Variants in FRMD4A observed in about 807,000 individuals in gnomAD.
FRMD4A encodes FERM domain containing 4A.
In FRMD4A, 29 loss-of-function variants were observed where a neutral mutation model predicts 129.1. That is an observed-to-expected ratio of 0.22 (90% CI 0.17 to 0.31). The LOEUF is 0.31. Among genes scored for constraint, FRMD4A ranks in the 10% least tolerant of loss-of-function variants. FRMD4A has a pLI of 1.00. For synonymous variants in FRMD4A, 634 were observed against 571.6 expected (o/e 1.11, Z -1.56); for missense variants, 1,272 against 1,375.8 (o/e 0.92, Z 1.19).
chr10:13,713,713 G>T (rs894110923), intron 12 of FRMD4A, among the ~76,000 whole-genome samples: 1 of 149,780 alleles, frequency 6.7e-6, no homozygotes, highest in Non-Finnish European at 1.5e-5. Flanking sequence ...CCCTGGTAAG[G>T]TTTTGCTATT....
At chr10:13,951,911 T>TAATAAA (rs1489715804) in intron 2 of FRMD4A, among the ~76,000 whole-genome samples, 1 of 146,274 alleles carries the variant, frequency 6.8e-6, no homozygotes, top group African/African-American at 2.5e-5. Flanking sequence ...ATAATAATAA[T>TAATAAA]AATAATAATA....
intron 2 of FRMD4A, among the ~76,000 whole-genome samples, chr10:13,989,123 C>T (rs902489071): frequency 1.3e-5 from 2 of 152,070 alleles, no homozygotes; most frequent in African/African-American, 2.4e-5. Context: ...TCTGGTTGAC[C>T]AGGGGTGAGG....
At chr10:14,142,113 A>T (rs1039952081) in intron 2 of FRMD4A, among the ~76,000 whole-genome samples, 5 of 151,224 alleles carry the variant, frequency 3.3e-5, no homozygotes, top group African/African-American at 1.2e-4. Flanking sequence ...ATAGAAAAAC[A>T]TTTTTATTTT....
chr10:14,250,475 A>G (rs1280239417), intron 2 of FRMD4A, among the ~76,000 whole-genome samples: 1 of 152,226 alleles, frequency 6.6e-6, no homozygotes, highest in Admixed American at 6.5e-5. Context: ...AGGGGAAAAG[A>G]TTAAGGCTGT....
At position 14,025,452 on chromosome 10, in the gene FRMD4A, G is replaced by A. The variant is rs569078887; in HGVS notation, c.46-166540C>T. ...ACATTGTACTGGAATAAACAAGATAGACTTGTTTATTTCATCAATGCTCTT... is the reference window on the plus strand; with the variant it reads ...ACATTGTACTGGAATAAACAAGATAAACTTGTTTATTTCATCAATGCTCTT... On this transcript the variant is annotated intron_variant, in intron 2 of 24. Transcript: ENST00000357447. 6.6e-5 allele frequency among the ~76,000 whole-genome samples: 10 copies of A among 152,260 alleles called. No individual in the cohort carries two copies. In the South Asian group the frequency reaches 1.5e-3, roughly 22 times the overall value.
At chr10:14,230,634 C>T (rs1282280623) in intron 2 of FRMD4A, among the ~76,000 whole-genome samples, 1 of 151,798 alleles carries the variant, frequency 6.6e-6, no homozygotes, top group African/African-American at 2.4e-5. Flanking sequence ...TTTTTCTTTC[C>T]AACTTTTACT....
At chr10:13,827,605 C>A (rs1177440801) in intron 3 of FRMD4A, among the ~76,000 whole-genome samples, 3 of 152,186 alleles carry the variant, frequency 2.0e-5, no homozygotes, top group Non-Finnish European at 4.4e-5. Context: ...GCGAAACAGC[C>A]TCCTGCAGAC....
At chr10:14,041,709 G>A (rs1221904628) in intron 2 of FRMD4A, among the ~76,000 whole-genome samples, 1 of 152,158 alleles carries the variant, frequency 6.6e-6, no homozygotes, top group African/African-American at 2.4e-5. Context: ...AGGTAGAATC[G>A]TATAATGGGA....
intron 3 of FRMD4A, among the ~76,000 whole-genome samples, chr10:13,823,227 G>T (rs974370093): frequency 6.6e-6 from 1 of 152,148 alleles, no homozygotes; most frequent in Non-Finnish European, 1.5e-5. Flanking sequence ...CGGCTGGGGA[G>T]CCTGCTCTAT....
At chr10:13,814,148 G>A (rs1027986904) in intron 3 of FRMD4A, among the ~76,000 whole-genome samples, 4 of 152,170 alleles carry the variant, frequency 2.6e-5, no homozygotes, top group Non-Finnish European at 5.9e-5. Flanking sequence ...AGAGATAGAG[G>A]AGGAGGAATG....
chr10:14,096,923 T>C (rs949524945), intron 2 of FRMD4A: 17 of 151,962 alleles, frequency 1.1e-4, no homozygotes, highest in African/African-American at 4.1e-4. Context: ...TCACCTGAGG[T>C]CAGGAGTTCA....
At chr10:13,828,356 C>T (rs1232215922) in intron 3 of FRMD4A, among the ~76,000 whole-genome samples, 1 of 152,196 alleles carries the variant, frequency 6.6e-6, no homozygotes, top group East Asian at 1.9e-4. Context: ...TTCCACACTC[C>T]ACGTCCACGT....
chr10:13,974,771 C>G (rs1182973033), intron 2 of FRMD4A, among the ~76,000 whole-genome samples: 3 of 152,106 alleles, frequency 2.0e-5, no homozygotes, highest in African/African-American at 7.2e-5. Context: ...AGGTGATCCA[C>G]CCGCCTCGCT....
intron 8 of FRMD4A, chr10:13,756,309 G>T (rs768032917): frequency 6.6e-6 from 1 of 152,156 alleles, no homozygotes; most frequent in Non-Finnish European, 1.5e-5. Context: ...ATTGTTTAGC[G>T]CAAAGCATTT....
intron 2 of FRMD4A, among the ~76,000 whole-genome samples, chr10:14,102,411 C>A (rs938139697): frequency 6.6e-6 from 1 of 152,190 alleles, no homozygotes; most frequent in Non-Finnish European, 1.5e-5. Flanking sequence ...CCTATAGTCC[C>A]AGCTACTCAG....
At chr10:13,944,738 G>A (rs530686564) in intron 2 of FRMD4A, among the ~76,000 whole-genome samples, 1 of 152,152 alleles carries the variant, frequency 6.6e-6, no homozygotes, top group Non-Finnish European at 1.5e-5. Flanking sequence ...CTCATTTGCT[G>A]ACTTATCATT....
intron 2 of FRMD4A, among the ~76,000 whole-genome samples, chr10:14,310,700 C>G (rs1384301461): frequency 6.6e-6 from 1 of 152,148 alleles, no homozygotes; most frequent in African/African-American, 2.4e-5. Flanking sequence ...AAAGGGCACA[C>G]CTAGCCCGAA....
At chr10:14,071,955 G>A (rs1835339024) in intron 2 of FRMD4A, among the ~76,000 whole-genome samples, 1 of 152,162 alleles carries the variant, frequency 6.6e-6, no homozygotes, top group Non-Finnish European at 1.5e-5. Flanking sequence ...TCTTAATTCT[G>A]TGACTTTACT....
At chr10:14,330,269 A>G in intron 1 of FRMD4A, 86 bp from the exon 2 acceptor site, 1 of 626,998 alleles carries the variant, frequency 1.6e-6, no homozygotes, top group Non-Finnish European at 2.9e-6. Flanking sequence ...GGTGGGGAGG[A>G]GGTCAGGGAA....
Sources: allele counts gnomAD v4.1 joint callset (sites outside exome capture counted in the v4.1 genomes callset), GRCh38; gene constraint gnomAD v4.1.1; transcripts MANE v1.5; gene names NCBI Gene and HGNC (gene_info 2026-07-23, HGNC 2026-07-21).